PTPRD: variants seen among roughly 807,000 people sequenced by gnomAD.
PTPRD encodes the protein receptor-type tyrosine-protein phosphatase delta.
PTPRD carries 34 observed loss-of-function variants against 214.5 expected under a neutral mutation model. That is an observed-to-expected ratio of 0.16 (90% CI 0.12 to 0.21). The LOEUF (loss-of-function observed/expected upper bound fraction) is 0.21, where lower values mean the gene tolerates loss of function less well. PTPRD is among the 10% of genes least tolerant of loss of function. The probability of loss-of-function intolerance (pLI) is 1.00; values close to 1 mark genes in which losing one functional copy is unlikely to be tolerated. For synonymous variants in PTPRD, 1,128 were observed against 845.7 expected (o/e 1.33, Z -5.79); for missense variants, 2,545 against 2,398.7 (o/e 1.06, Z -1.27).
At chr9:8,987,933 A>G (rs1329814052) in intron 11 of PTPRD, among the ~76,000 whole-genome samples, 1 of 152,054 alleles carries the variant, frequency 6.6e-6, no homozygotes, top group East Asian at 1.9e-4. Context: ...ACCCTTGTAA[A>G]GAGTACTGTG....
intron 34 of PTPRD, among the ~76,000 whole-genome samples, chr9:8,448,066 T>C (rs1240229470): frequency 6.6e-6 from 1 of 152,110 alleles, no homozygotes; most frequent in Non-Finnish European, 1.5e-5. Context: ...GGCTAATGCC[T>C]GTAATCCCAG....
chr9:10,288,679 C>T (rs979591326), intron 3 of PTPRD, among the ~76,000 whole-genome samples: 4 of 152,036 alleles, frequency 2.6e-5, no homozygotes, highest in Admixed American at 6.6e-5. Flanking sequence ...AATGAAGCAC[C>T]GCAGTAATGA....
chr9:8,378,329 A>T (rs934829263), intron 37 of PTPRD, among the ~76,000 whole-genome samples: 4 of 152,064 alleles, frequency 2.6e-5, no homozygotes, highest in African/African-American at 7.2e-5. Flanking sequence ...ATGTTCTTTC[A>T]CCATAAGCTA....
At position 8,821,980 on chromosome 9, in the gene PTPRD, C is replaced by T. The variant is rs140705673; in HGVS notation, c.-103-88034G>A. 1.8e-4 allele frequency among the ~76,000 whole-genome samples: 28 copies of T among 152,272 alleles called. 1 individual carries two copies. The East Asian group carries it at 5.4e-3, about 29-fold the overall frequency. On this transcript the variant is annotated intron_variant, in intron 11 of 45. Coordinates refer to ENST00000381196, the MANE Select transcript of PTPRD (RefSeq NM_002839.4). ...TCTGGCCTGAAAACTAACTCTTTAACAAGGCAAAAGTCTTTAAATATTCTG... is the reference window on the plus strand; with the variant it reads ...TCTGGCCTGAAAACTAACTCTTTAATAAGGCAAAAGTCTTTAAATATTCTG...
At chr9:9,022,272 A>G (rs549506908) in intron 10 of PTPRD, among the ~76,000 whole-genome samples, 2 of 152,284 alleles carry the variant, frequency 1.3e-5, no homozygotes, top group South Asian at 4.1e-4. Context: ...TAAAGTCTAT[A>G]GTAATGTGCA....
chr9:8,807,205 T>A (rs1363508751), intron 11 of PTPRD, among the ~76,000 whole-genome samples: 1 of 151,980 alleles, frequency 6.6e-6, no homozygotes, highest in African/African-American at 2.4e-5. Flanking sequence ...GGCATGGTAG[T>A]GCATGCCTGT....
At chr9:10,414,299 A>G (rs1257074393) in intron 2 of PTPRD, among the ~76,000 whole-genome samples, 1 of 152,048 alleles carries the variant, frequency 6.6e-6, no homozygotes. Context: ...AACACTTTTC[A>G]AAAGAAGACA....
At chr9:10,100,851 A>T (rs436563) in intron 3 of PTPRD, among the ~76,000 whole-genome samples, 58,922 of 151,194 alleles carry the variant, frequency 0.39, 12,420 homozygotes, top group East Asian at 0.53. Context: ...ATCTATTAGG[A>T]AACTTGTCAA....
chr9:8,611,718 AG>A (rs2095453225), intron 14 of PTPRD, among the ~76,000 whole-genome samples: 1 of 151,540 alleles, frequency 6.6e-6, no homozygotes, highest in Non-Finnish European at 1.5e-5. Flanking sequence ...AAAGAAAAAA[AG>A]AAAAGACAAA....
At chr9:9,834,352 C>A (rs2056070610) in intron 5 of PTPRD, among the ~76,000 whole-genome samples, 2 of 151,934 alleles carry the variant, frequency 1.3e-5, no homozygotes, top group South Asian at 4.2e-4. Flanking sequence ...CCAGATCTAC[C>A]ATGGATTATT....
At chr9:8,967,959 T>C (rs1264331778) in intron 11 of PTPRD, among the ~76,000 whole-genome samples, 1 of 152,112 alleles carries the variant, frequency 6.6e-6, no homozygotes, top group Non-Finnish European at 1.5e-5. Flanking sequence ...TGTGTCCAAG[T>C]GTTCTCATTG....
At chr9:9,727,970 C>T (rs571957107) in intron 7 of PTPRD, among the ~76,000 whole-genome samples, 16 of 152,146 alleles carry the variant, frequency 1.1e-4, no homozygotes, top group African/African-American at 3.6e-4. Context: ...CCCATAATTC[C>T]CATGTGTTGT....
At chr9:10,429,696 C>A (rs1371582096) in intron 2 of PTPRD, among the ~76,000 whole-genome samples, 2 of 145,554 alleles carry the variant, frequency 1.4e-5, no homozygotes, top group Non-Finnish European at 3.0e-5. Flanking sequence ...CATGGACATA[C>A]AATGATAGAG....
chr9:9,174,334 A>C (rs767346617), intron 10 of PTPRD, among the ~76,000 whole-genome samples: 1 of 152,182 alleles, frequency 6.6e-6, no homozygotes, highest in Non-Finnish European at 1.5e-5. Context: ...GGGACTTTGA[A>C]CATATCCACA....
At chr9:8,801,738 A>C (rs1386999091) in intron 11 of PTPRD, among the ~76,000 whole-genome samples, 1 of 152,108 alleles carries the variant, frequency 6.6e-6, no homozygotes, top group Non-Finnish European at 1.5e-5. Flanking sequence ...ATAAATAAAT[A>C]ATATTTTAAA....
chr9:8,880,143 G>T (rs980100170), intron 11 of PTPRD, among the ~76,000 whole-genome samples: 5 of 152,022 alleles, frequency 3.3e-5, no homozygotes, highest in Non-Finnish European at 7.4e-5. Flanking sequence ...AACAAAGGTG[G>T]CATTTTTTTC....
chr9:9,761,808 G>A (rs904049857), intron 6 of PTPRD, among the ~76,000 whole-genome samples: 1 of 151,822 alleles, frequency 6.6e-6, no homozygotes, highest in Admixed American at 6.6e-5. Flanking sequence ...TACATAAACT[G>A]AACAGAATTA....
chr9:8,351,334 T>C (rs979373955), intron 39 of PTPRD, among the ~76,000 whole-genome samples: 4 of 152,122 alleles, frequency 2.6e-5, no homozygotes, highest in African/African-American at 7.2e-5. Flanking sequence ...CAAATCAGAA[T>C]AGTTCTGAGA....
chr9:9,681,165 T>G (rs540026473), intron 7 of PTPRD, among the ~76,000 whole-genome samples: 3 of 151,962 alleles, frequency 2.0e-5, no homozygotes, highest in African/African-American at 7.2e-5. Flanking sequence ...CTGGGATACC[T>G]TCTTATAAAT....
Sources: allele counts gnomAD v4.1 joint callset (sites outside exome capture counted in the v4.1 genomes callset), GRCh38; gene constraint gnomAD v4.1.1; transcripts MANE v1.5; gene names NCBI Gene and HGNC (gene_info 2026-07-23, HGNC 2026-07-21).